Variants in CDC42BPA observed in about 807,000 individuals in gnomAD.
The protein encoded by CDC42BPA is serine/threonine-protein kinase MRCK alpha.
Under a neutral mutation model 223.5 loss-of-function variants are expected in CDC42BPA, and 80 were observed. The observed-to-expected ratio is 0.36, with a 90% confidence interval of 0.30 to 0.43. The LOEUF (loss-of-function observed/expected upper bound fraction) is 0.43. CDC42BPA is among the 20% of genes least tolerant of loss of function. The pLI is 1.00. For synonymous variants in CDC42BPA, 694 were observed against 718.6 expected (o/e 0.97, Z 0.55); for missense variants, 1,743 against 2,099.9 (o/e 0.83, Z 3.32).
chr1:227,246,368 C>A (rs1056795695), intron 2 of CDC42BPA, among the ~76,000 whole-genome samples: 1 of 151,636 alleles, frequency 6.6e-6, no homozygotes, highest in African/African-American at 2.4e-5. Flanking sequence ...CTGGACACAC[C>A]CGGGGCCTGG....
chr1:227,105,652 C>A (rs1685791429), intron 14 of CDC42BPA, among the ~76,000 whole-genome samples: 1 of 152,050 alleles, frequency 6.6e-6, no homozygotes, highest in Non-Finnish European at 1.5e-5. Flanking sequence ...CTGCATCGGG[C>A]CTGAATTTGC....
chr1:227,264,507 C>T (rs1035356020), intron 1 of CDC42BPA, among the ~76,000 whole-genome samples: 2 of 150,780 alleles, frequency 1.3e-5, no homozygotes, highest in African/African-American at 2.5e-5. Flanking sequence ...CCTACAATAT[C>T]CTTTGAGGTT....
chr1:227,225,199 T>C (rs1676651451), intron 2 of CDC42BPA, among the ~76,000 whole-genome samples: 1 of 152,168 alleles, frequency 6.6e-6, no homozygotes, highest in Non-Finnish European at 1.5e-5. Context: ...TACCTGTGAA[T>C]AGAAATAAAA....
In CDC42BPA at chr1:227,185,408, C is replaced by T. The variant is rs543189754; in HGVS notation, c.599+8378G>A. On this transcript the variant is annotated intron_variant, in intron 5 of 36. Transcript: ENST00000366766. ...CCTCTTGCCCTTGCCCCCACATGTG[C>T]CTGGCAGTATGGCTGCCCCTACATA... Among the ~76,000 whole-genome samples, 33 of 152,264 alleles carry T rather than the reference C, an allele frequency of 2.2e-4. No individual in the cohort carries two copies. In the Middle Eastern group the frequency reaches 0.01, roughly 47 times the overall value.
chr1:227,157,790 C>G (rs928756486), intron 6 of CDC42BPA, among the ~76,000 whole-genome samples: 1 of 151,976 alleles, frequency 6.6e-6, no homozygotes, highest in Non-Finnish European at 1.5e-5. Context: ...GCTGTTTCTT[C>G]TCCTATCTCT....
At chr1:227,233,340 A>G (rs956901549) in intron 2 of CDC42BPA, among the ~76,000 whole-genome samples, 48 of 152,022 alleles carry the variant, frequency 3.2e-4, no homozygotes, top group African/African-American at 1.1e-3. Context: ...CCCGGCCTCT[A>G]TTTCTTTTCT....
chr1:227,124,490 T>G (rs1379601396), intron 11 of CDC42BPA, among the ~76,000 whole-genome samples: 1 of 152,088 alleles, frequency 6.6e-6, no homozygotes, highest in Admixed American at 6.6e-5. Flanking sequence ...TATTTTTTTC[T>G]TCAGAGCCAA....
intron 23 of CDC42BPA, among the ~76,000 whole-genome samples, chr1:227,047,085 T>A (rs1004682408): frequency 9.2e-5 from 14 of 152,114 alleles, no homozygotes; most frequent in Non-Finnish European, 1.9e-4. Context: ...TTTCATCTTA[T>A]CTTCCCTCCT....
In CDC42BPA at chr1:226,990,192, A is replaced by C. The variant is rs1169133168; in HGVS notation, c.*4076T>G. On this transcript the variant is annotated 3_prime_UTR_variant, in exon 37 of 37. Transcript: ENST00000366766. The stretch of plus-strand genomic sequence containing the variant: ...AAAACTGTACAATATTACGAGAAAA[A>C]CCCTAAAAAATTTATAAAATGAATG... 1.3e-5 allele frequency: 2 copies of C among 152,172 alleles called. No homozygotes were observed. Among genetic ancestry groups the C allele is most frequent in the African/African-American group, 4.8e-5 (2 of 41,408 alleles). 9.4% of individuals were successfully genotyped at this position (152,172 alleles called of 1,614,324 possible). A position where few individuals can be genotyped will look rare whatever the true frequency, so the allele number is the denominator to read the frequency against.
intron 1 of CDC42BPA, among the ~76,000 whole-genome samples, chr1:227,265,543 C>T (rs573620181): frequency 1.3e-5 from 2 of 151,486 alleles, no homozygotes; most frequent in Non-Finnish European, 1.5e-5. Flanking sequence ...GCAGGAGTAT[C>T]GCTTGAATCC....
chr1:227,228,452 A>G (rs115643064), intron 2 of CDC42BPA, among the ~76,000 whole-genome samples: 8,193 of 152,202 alleles, frequency 0.054, 245 homozygotes, highest in Non-Finnish European at 0.072. Flanking sequence ...AAGTGTTTCC[A>G]CTTCCTAGCT....
rs553446047 is a variant in CDC42BPA at position 227,101,283 on chromosome 1, T to A, written c.2002-44A>T. On this transcript the variant is annotated intron_variant, in intron 14 of 36. Transcript: ENST00000366766. The stretch of plus-strand genomic sequence containing the variant: ...AAGATTAGTGCATCTACAAGAATAA[T>A]AAAATATTTAAATAACTTCTTTCTG... 52 of 1,166,220 alleles carry A rather than the reference T, an allele frequency of 4.5e-5. No homozygotes were observed. In the Admixed American group the frequency reaches 1.0e-3, roughly 23 times the overall value. The allele number at this position is 1,166,220 out of a possible 1,614,324, so 72.2% of individuals were successfully genotyped here.
In CDC42BPA at chr1:227,049,831, C is replaced by T. The variant is rs534289046; in HGVS notation, c.3010-1821G>A. 6.6e-4 allele frequency among the ~76,000 whole-genome samples: 101 copies of T among 152,140 alleles called. 1 individual carries two copies. The highest frequency in any genetic ancestry group is 1.3e-3 in the Non-Finnish European group (85 of 67,968). ...TCACATGGGAAAAAGACATTAGAAGCCCATTTCCCATTATACATAACAATA... is the reference window on the plus strand; with the variant it reads ...TCACATGGGAAAAAGACATTAGAAGTCCATTTCCCATTATACATAACAATA... On this transcript the variant is annotated intron_variant, in intron 22 of 36. Coordinates refer to ENST00000366766, the MANE Select transcript of CDC42BPA (RefSeq NM_001394014.1).
intron 14 of CDC42BPA, among the ~76,000 whole-genome samples, chr1:227,108,504 G>GT (rs1686324925): frequency 6.6e-6 from 1 of 151,506 alleles, no homozygotes; most frequent in Non-Finnish European, 1.5e-5. Context: ...TTACTAAAAT[G>GT]TTTTTTGGCC....
At chr1:227,124,891 G>A (rs1184840455) in intron 11 of CDC42BPA, among the ~76,000 whole-genome samples, 2 of 151,772 alleles carry the variant, frequency 1.3e-5, no homozygotes, top group Admixed American at 1.3e-4. Context: ...CCCATTTTAA[G>A]TATAACTTAA....
At chr1:227,031,802 C>T (rs1572371771) in intron 27 of CDC42BPA, among the ~76,000 whole-genome samples, 1 of 152,084 alleles carries the variant, frequency 6.6e-6, no homozygotes, top group Admixed American at 6.5e-5. Context: ...ATAACAACAA[C>T]AACAACAACT....
intron 1 of CDC42BPA, among the ~76,000 whole-genome samples, chr1:227,313,572 T>G (rs1003956631): frequency 1.3e-5 from 2 of 152,186 alleles, no homozygotes; most frequent in African/African-American, 4.8e-5. Flanking sequence ...TTATTCTAGT[T>G]GAGAACTTAA....
At chr1:227,129,291 A>G (rs923496406) in intron 10 of CDC42BPA, 60 bp from the exon 11 acceptor site, 1 of 1,204,444 alleles carries the variant, frequency 8.3e-7, no homozygotes, top group Non-Finnish European at 1.2e-6. Flanking sequence ...CTTAAAACTA[A>G]TAACATTATT....
intron 4 of CDC42BPA, among the ~76,000 whole-genome samples, chr1:227,197,060 A>G (rs1335774779): frequency 1.3e-5 from 2 of 152,202 alleles, no homozygotes; most frequent in Non-Finnish European, 2.9e-5. Flanking sequence ...TCTACTTGCT[A>G]TAATTGCAAA....
Sources: gnomAD v4.1 joint callset for allele counts (sites outside exome capture counted in the v4.1 genomes callset) on GRCh38, gnomAD v4.1.1 for gene constraint, MANE v1.5 for transcripts, NCBI Gene and HGNC (gene_info 2026-07-23, HGNC 2026-07-21) for gene names.